The following KIRREL3 variants were observed in gnomAD, a reference collection of about 807,000 sequenced individuals.
KIRREL3 encodes the protein kirre like nephrin family adhesion molecule 3, also known as kin of IRRE-like protein 3.
Under a neutral mutation model 89.7 loss-of-function variants are expected in KIRREL3, and 36 were observed. The observed-to-expected ratio is 0.40, with a 90% CI of 0.31 to 0.53. The LOEUF is 0.53. Among genes scored for constraint, KIRREL3 ranks in the 20% least tolerant of loss-of-function variants. KIRREL3 has a pLI of 0.49. For synonymous variants in KIRREL3, 445 were observed against 441.4 expected, an observed-to-expected ratio of 1.01 and a Z score of -0.10; for missense variants, 864 against 1,056.6, an observed-to-expected ratio of 0.82 and a Z score of 2.53.
At chr11:126,731,845 C>T (rs1461550192) in intron 1 of KIRREL3, among the ~76,000 whole-genome samples, 1 of 152,248 alleles carries the variant, frequency 6.6e-6, no homozygotes, top group East Asian at 1.9e-4. Context: ...CTTGGCCCCC[C>T]AGCATATGCT....
rs116348174 is a variant in KIRREL3, at chr11:126,751,154, G to A, written c.56-188242C>T. On this transcript the variant is annotated intron_variant, in intron 1 of 16. Coordinates refer to ENST00000525144, the MANE Select transcript of KIRREL3 (RefSeq NM_032531.4). ...ACACTGTCGGAATGCATCCTGTAGC[G>A]CCACAGGACTCAGGCTGGATGAACT... 6.7e-3 allele frequency among the ~76,000 whole-genome samples: 1,021 copies of A among 152,208 alleles called. 12 individuals carry two copies. The highest frequency in any genetic ancestry group is 0.023 in the African/African-American group (960 of 41,522).
intron 1 of KIRREL3, among the ~76,000 whole-genome samples, chr11:126,816,611 A>G (rs1410570923): frequency 6.6e-6 from 1 of 152,202 alleles, no homozygotes; most frequent in African/African-American, 2.4e-5. Flanking sequence ...CCTGAGTACA[A>G]ATCTGTAACC....
Position 126,870,792 on chromosome 11 carries a change from C to T in KIRREL3, c.55+129663G>A, listed in dbSNP as rs551730730. Among the ~76,000 whole-genome samples, 1 of 152,170 alleles carries T rather than the reference C, an allele frequency of 6.6e-6. No homozygotes were observed. Among genetic ancestry groups the T allele is most frequent in the African/African-American group, 2.4e-5 (1 of 41,438 alleles). On this transcript the variant is annotated intron_variant, in intron 1 of 16. Transcript: ENST00000525144. This position sits in a 1 kb window ranked among gnomAD's most constrained non-coding sequence, Gnocchi z 4.4. ...AGCTACCCAGAGCACACTGCCCCTC[C>T]CCACTTCCAGTGTAGTTCCTGCACT...
In KIRREL3 at chr11:126,652,936, C is replaced by A. The variant is rs1001429727; in HGVS notation, c.56-90024G>T. The A allele has an allele frequency of 6.6e-6, 1 of 151,818 alleles. No homozygotes were observed. The highest frequency in any genetic ancestry group is 2.4e-5 in the African/African-American group (1 of 41,300). The allele number at this position is 151,818 out of a possible 1,614,324, so 9.4% of individuals were successfully genotyped here. On this transcript the variant is annotated intron_variant, in intron 1 of 16. Coordinates refer to ENST00000525144, the MANE Select transcript of KIRREL3 (RefSeq NM_032531.4). The surrounding 1 kb of genome is among the most constrained non-coding windows in gnomAD (Gnocchi z 4.9). ...AGAAGAAGTTCTGCTTTGGGTGAGA[C>A]ATCAGTTTAATTTATATTTGATTAA...
At chr11:126,863,478 C>T (rs761712507) in intron 1 of KIRREL3, among the ~76,000 whole-genome samples, 1,519 of 52,260 alleles carry the variant, frequency 0.029, 36 homozygotes, top group Non-Finnish European at 0.037. Context: ...TGTGTGAGTG[C>T]GTGTGTGAGT....
intron 1 of KIRREL3, among the ~76,000 whole-genome samples, chr11:126,823,098 A>C (rs1211145854): frequency 1.3e-5 from 2 of 152,194 alleles, no homozygotes; most frequent in Non-Finnish European, 2.9e-5. Context: ...ATGAGATGTG[A>C]GAGACTAAAC....
rs1418223531 is a variant in KIRREL3 at position 126,513,697 on chromosome 11, C to T, written c.433+7618G>A. ...GGCCATGCCTGCCCATGGTAACATG[C>T]AGATTATGGGGGCAGGGAGATTGTG... is the stretch of plus-strand genomic sequence containing the variant. On this transcript the variant is annotated intron_variant, in intron 4 of 16. Coordinates refer to ENST00000525144, the MANE Select transcript of KIRREL3 (RefSeq NM_032531.4). The surrounding 1 kb of genome is among the most constrained non-coding windows in gnomAD (Gnocchi z 5.9). 6.6e-6 allele frequency among the ~76,000 whole-genome samples: 1 copy of T among 152,130 alleles called. No individual in the cohort carries two copies. The highest frequency in any genetic ancestry group is 2.1e-4 in the South Asian group (1 of 4,830).
rs1949188699 is a variant in KIRREL3 at position 126,747,383 on chromosome 11, C to T, written c.56-184471G>A. On this transcript the variant is annotated intron_variant, in intron 1 of 16. Transcript: ENST00000525144. This position sits in a 1 kb window ranked among gnomAD's most constrained non-coding sequence, Gnocchi z 4.7. Reference sequence around the variant, plus strand: ...CATACTGAAAGCTAGTACCGTCGTCCCATGCTCTTCCCCATTATGTCCTCT... The same window carrying T: ...CATACTGAAAGCTAGTACCGTCGTCTCATGCTCTTCCCCATTATGTCCTCT... Among the ~76,000 whole-genome samples the T allele has an allele frequency of 6.6e-6, 1 of 152,172 alleles. No individual in the cohort carries two copies. The highest frequency in any genetic ancestry group is 6.5e-5 in the Admixed American group (1 of 15,284).
intron 4 of KIRREL3, among the ~76,000 whole-genome samples, chr11:126,487,362 GACAC>G (rs1379322002): frequency 6.6e-6 from 1 of 152,176 alleles, no homozygotes; most frequent in African/African-American, 2.4e-5. Context: ...GATGTGGGGA[GACAC>G]ACACAGTCCT....
Position 126,904,964 on chromosome 11 carries a change from T to C in KIRREL3, c.55+95491A>G, listed in dbSNP as rs1337546333. Reference sequence around the variant, plus strand: ...ATGATGATGATGATGATGATGATGATACAGAAATAGTGTGTAAAAAAATTC... The same window carrying C: ...ATGATGATGATGATGATGATGATGACACAGAAATAGTGTGTAAAAAAATTC... On this transcript the variant is annotated intron_variant, in intron 1 of 16. Coordinates refer to ENST00000525144, the MANE Select transcript of KIRREL3 (RefSeq NM_032531.4). The surrounding 1 kb of genome is among the most constrained non-coding windows in gnomAD (Gnocchi z 4.4). Among the ~76,000 whole-genome samples, 1 of 151,456 alleles carries C rather than the reference T, an allele frequency of 6.6e-6. No homozygotes were observed. The highest frequency in any genetic ancestry group is 1.5e-5 in the Non-Finnish European group (1 of 67,840).
intron 1 of KIRREL3, among the ~76,000 whole-genome samples, chr11:126,572,238 A>T (rs1940988131): frequency 6.6e-6 from 1 of 152,206 alleles, no homozygotes; most frequent in Non-Finnish European, 1.5e-5. Context: ...GCCTCCAAGT[A>T]TTCCCTTCCC....
At chr11:126,595,918 T>C (rs1386776656) in intron 1 of KIRREL3, among the ~76,000 whole-genome samples, 1 of 152,204 alleles carries the variant, frequency 6.6e-6, no homozygotes, top group Non-Finnish European at 1.5e-5. Context: ...TCTATGGTCA[T>C]AAAGAATTGT....
chr11:126,921,899 T>C (rs182489171), intron 1 of KIRREL3, among the ~76,000 whole-genome samples: 1 of 151,980 alleles, frequency 6.6e-6, no homozygotes, highest in African/African-American at 2.4e-5. Context: ...TCTCCCTATC[T>C]ATCTATCTAT....
At chr11:126,809,328 C>A (rs180765546) in intron 1 of KIRREL3, among the ~76,000 whole-genome samples, 1 of 152,090 alleles carries the variant, frequency 6.6e-6, no homozygotes, top group African/African-American at 2.4e-5. Flanking sequence ...ATAAGAGGGA[C>A]CCCAATTCAA....
chr11:126,453,692 C>T (rs1307513616), intron 7 of KIRREL3, among the ~76,000 whole-genome samples: 2 of 152,206 alleles, frequency 1.3e-5, no homozygotes, highest in African/African-American at 4.8e-5. Flanking sequence ...CCTCCGCCTC[C>T]TCCCTTCCCA....
intron 1 of KIRREL3, among the ~76,000 whole-genome samples, chr11:126,998,991 G>C (rs1950248785): frequency 2.0e-5 from 3 of 148,380 alleles, no homozygotes; most frequent in African/African-American, 7.6e-5. Flanking sequence ...CCAAGAAAGA[G>C]GGTAATCTTA....
chr11:126,461,817 A>C (rs1956553593), intron 6 of KIRREL3, among the ~76,000 whole-genome samples: 1 of 152,184 alleles, frequency 6.6e-6, no homozygotes, highest in African/African-American at 2.4e-5. Flanking sequence ...TAGAGAAATC[A>C]GGGCTGTTAG....
chr11:126,815,715 T>C (rs929369825), intron 1 of KIRREL3, among the ~76,000 whole-genome samples: 5 of 152,172 alleles, frequency 3.3e-5, no homozygotes, highest in African/African-American at 1.2e-4. Context: ...TTGTATGTTT[T>C]TAGTAGAGAC....
At chr11:126,971,633 G>A (rs1031625886) in intron 1 of KIRREL3, among the ~76,000 whole-genome samples, 7 of 152,172 alleles carry the variant, frequency 4.6e-5, no homozygotes, top group African/African-American at 1.7e-4. Flanking sequence ...AATATCATCA[G>A]TCCGATTCTT....
Sources: gnomAD v4.1 joint callset for allele counts (sites outside exome capture counted in the v4.1 genomes callset) on GRCh38, gnomAD v4.1.1 for gene constraint, Gnocchi (gnomAD v3.1) non-coding constraint, MANE v1.5 for transcripts, NCBI Gene and HGNC (gene_info 2026-07-23, HGNC 2026-07-21) for gene names.